Variants in CCDC138 observed in about 807,000 individuals in gnomAD.
The protein encoded by CCDC138 is coiled-coil domain-containing protein 138.
In CCDC138, 66 loss-of-function variants were observed where a neutral mutation model predicts 82.3. That is an observed-to-expected ratio of 0.80 (90% CI 0.66 to 0.98). The LOEUF is 0.98. CCDC138 is among the 50% of genes least tolerant of loss of function. The pLI, the probability that CCDC138 is intolerant of heterozygous loss-of-function variation, is 0.00. For missense variants in CCDC138, 816 were observed against 758.9 expected, an observed-to-expected ratio of 1.08 and a Z score of -0.88; for synonymous variants, 297 against 265.4, an observed-to-expected ratio of 1.12 and a Z score of -1.16.
At chr2:108,820,313 A>G (rs996350988) in intron 10 of CCDC138, among the ~76,000 whole-genome samples, 1 of 152,198 alleles carries the variant, frequency 6.6e-6, no homozygotes, top group Non-Finnish European at 1.5e-5. Flanking sequence ...AAAAGTGACG[A>G]CAGTCTGAGG....
intron 12 of CCDC138, among the ~76,000 whole-genome samples, chr2:108,854,008 AT>A (rs1365248161): frequency 2.0e-5 from 2 of 99,616 alleles, no homozygotes; most frequent in African/African-American, 8.1e-5. Flanking sequence ...TATATTATAT[AT>A]AATATATAAT....
At chr2:108,848,903 A>C (rs981232888) in intron 12 of CCDC138, among the ~76,000 whole-genome samples, 2 of 152,246 alleles carry the variant, frequency 1.3e-5, no homozygotes, top group African/African-American at 4.8e-5. Flanking sequence ...AGAACATAGA[A>C]TCTTAAATCA....
chr2:108,854,780 G>A (rs1192638594), intron 12 of CCDC138, among the ~76,000 whole-genome samples: 1 of 152,074 alleles, frequency 6.6e-6, no homozygotes, highest in Non-Finnish European at 1.5e-5. Context: ...GTATATAGCT[G>A]AGCCTCAGGC....
chr2:108,854,040 ATATAATAAATTTATATTATATATATT>A (rs1201335600), intron 12 of CCDC138, among the ~76,000 whole-genome samples: 5 of 21,594 alleles, frequency 2.3e-4, no homozygotes, highest in South Asian at 1.1e-3. Flanking sequence ...TATATATAAT[ATATAATAAATTTATATTATATATATT>A]TTATATATAA....
chr2:108,794,494 C>T, intron 4 of CCDC138, 46 bp from the exon 5 acceptor site: 1 of 1,513,314 alleles, frequency 6.6e-7, no homozygotes, highest in Non-Finnish European at 9.0e-7. Flanking sequence ...ATATTTGAAA[C>T]AATAAGTTAA....
At chr2:108,850,200 A>T (rs1558730259) in intron 12 of CCDC138, among the ~76,000 whole-genome samples, 8 of 152,252 alleles carry the variant, frequency 5.3e-5, no homozygotes, top group Non-Finnish European at 1.5e-5. Flanking sequence ...TCCTAAGAGT[A>T]GACTTAACTC....
chr2:108,854,830 G>A (rs1189879374), intron 12 of CCDC138, among the ~76,000 whole-genome samples: 1 of 152,168 alleles, frequency 6.6e-6, no homozygotes, highest in Non-Finnish European at 1.5e-5. Flanking sequence ...CATTTTATTG[G>A]TTAAGTTACA....
At chr2:108,811,578 G>GT (rs922503886) in intron 7 of CCDC138, among the ~76,000 whole-genome samples, 16 of 151,574 alleles carry the variant, frequency 1.1e-4, no homozygotes, top group Admixed American at 4.0e-4. Flanking sequence ...TGGTTTGTTG[G>GT]TTTTTTTATT....
intron 3 of CCDC138, among the ~76,000 whole-genome samples, chr2:108,789,308 A>G (rs1034653404): frequency 2.6e-5 from 4 of 152,142 alleles, no homozygotes; most frequent in South Asian, 2.1e-4. Context: ...AAAAGGAACT[A>G]TGGGCCAGGT....
downstream of CCDC138, among the ~76,000 whole-genome samples, chr2:108,880,089 A>G (rs896357550): frequency 6.6e-5 from 10 of 152,100 alleles, no homozygotes; most frequent in African/African-American, 2.2e-4. Flanking sequence ...AAAACATTTT[A>G]AAAAACAGAA....
intron 6 of CCDC138, among the ~76,000 whole-genome samples, chr2:108,800,990 G>A: frequency 1.5e-5 from 1 of 66,456 alleles, no homozygotes; most frequent in Non-Finnish European, 3.3e-5. Flanking sequence ...GTATTCCATG[G>A]TATATATGTG....
intron 14 of CCDC138, among the ~76,000 whole-genome samples, chr2:108,874,745 AC>A (rs2105295859): frequency 6.6e-6 from 1 of 152,264 alleles, no homozygotes; most frequent in Admixed American, 6.5e-5. Flanking sequence ...AATTTGACTG[AC>A]CAAGTTACTA....
At chr2:108,814,942 T>G (rs1684504810) in intron 9 of CCDC138, among the ~76,000 whole-genome samples, 1 of 152,074 alleles carries the variant, frequency 6.6e-6, no homozygotes, top group African/African-American at 2.4e-5. Context: ...GGCCTGCAGA[T>G]TTTTAAAAAA....
chr2:108,873,303 GA>G, intron 13 of CCDC138, 147 bp from the exon 14 acceptor site: 1 of 542,012 alleles, frequency 1.8e-6, no homozygotes, highest in East Asian at 4.1e-5. Flanking sequence ...TTCAAATGAT[GA>G]TATTTTCACT....
At chr2:108,853,953 AAT>A (rs963835940) in intron 12 of CCDC138, among the ~76,000 whole-genome samples, 1 of 120,824 alleles carries the variant, frequency 8.3e-6, no homozygotes, top group Non-Finnish European at 1.6e-5. Flanking sequence ...ATATACAATA[AAT>A]ATATATAATA....
intron 3 of CCDC138, among the ~76,000 whole-genome samples, chr2:108,789,460 G>C (rs769339007): frequency 6.6e-6 from 1 of 152,178 alleles, no homozygotes; most frequent in African/African-American, 2.4e-5. Context: ...CAGGCTTGGT[G>C]GTGTGCGTCT....
intron 10 of CCDC138, among the ~76,000 whole-genome samples, chr2:108,832,344 CTTTTTT>C (rs1179620383): frequency 2.5e-5 from 3 of 122,218 alleles, no homozygotes; most frequent in Non-Finnish European, 5.1e-5. Context: ...GTATTTCTTT[CTTTTTT>C]TTTTTTTTTT....
chr2:108,849,982 A>G (rs1480568182), intron 12 of CCDC138, among the ~76,000 whole-genome samples: 1 of 152,236 alleles, frequency 6.6e-6, no homozygotes, highest in South Asian at 2.1e-4. Flanking sequence ...AACAGGATGC[A>G]TGGGCCAGTG....
intron 13 of CCDC138, among the ~76,000 whole-genome samples, chr2:108,858,898 A>G (rs1693098263): frequency 6.6e-6 from 1 of 151,950 alleles, no homozygotes; most frequent in Admixed American, 6.6e-5. Context: ...TATGTATCAC[A>G]TTTTCTTTAT....
Sources: allele counts gnomAD v4.1 joint callset (sites outside exome capture counted in the v4.1 genomes callset), GRCh38; gene constraint gnomAD v4.1.1; transcripts MANE v1.5; gene names NCBI Gene and HGNC (gene_info 2026-07-23, HGNC 2026-07-21).